The following HIVEP3 variants were observed in gnomAD, a reference collection of about 807,000 sequenced individuals.
The protein encoded by HIVEP3 is HIVEP zinc finger 3.
In HIVEP3, 49 loss-of-function variants were observed where a neutral mutation model predicts 152.8. That is an observed-to-expected ratio of 0.32 (90% CI 0.26 to 0.41). HIVEP3 has a LOEUF of 0.41. Among genes scored for constraint, HIVEP3 ranks in the 10% least tolerant of loss-of-function variants. The pLI, the probability that HIVEP3 is intolerant of heterozygous loss-of-function variation, is 1.00. For missense variants in HIVEP3, 2,790 were observed against 3,103.3 expected, an observed-to-expected ratio of 0.90 and a Z score of 2.40; for synonymous variants, 1,269 against 1,289.0, an observed-to-expected ratio of 0.98 and a Z score of 0.33.
At chr1:41,709,399 C>T (rs1470724862) in intron 1 of HIVEP3, among the ~76,000 whole-genome samples, 1 of 152,232 alleles carries the variant, frequency 6.6e-6, no homozygotes, top group Non-Finnish European at 1.5e-5. Context: ...CAGGTGGAAG[C>T]CCAGAGAAAG....
Position 42,008,887 on chromosome 1 carries a change from C to G in HIVEP3, n.119+26920G>C, listed in dbSNP as rs74069805. Among the ~76,000 whole-genome samples the G allele has an allele frequency of 6.2e-4, 94 of 152,226 alleles. 1 individual carries two copies. The East Asian group carries it at 0.017, about 27-fold the overall frequency. ...ACAGTGATTGGTTTAGGAATAGACACGTTAAAATTTGGTAAATAAGTCTTC... is the reference window on the plus strand; with the variant it reads ...ACAGTGATTGGTTTAGGAATAGACAGGTTAAAATTTGGTAAATAAGTCTTC... On this transcript the variant is annotated intron_variant and non_coding_transcript_variant, in intron 1 of 3. Transcript: ENST00000489103.
chr1:41,602,638 T>C (rs907964995), intron 3 of HIVEP3, among the ~76,000 whole-genome samples: 2 of 152,110 alleles, frequency 1.3e-5, no homozygotes, highest in Admixed American at 6.5e-5. Flanking sequence ...TTTTCTAGCA[T>C]AGCTAATGAT....
At chr1:41,544,875 A>ATCAC (rs1558046501) in intron 5 of HIVEP3, among the ~76,000 whole-genome samples, 13 of 85,554 alleles carry the variant, frequency 1.5e-4, no homozygotes, top group Admixed American at 5.3e-4. Flanking sequence ...CACCACCACC[A>ATCAC]CTACCACCTC....
intron 1 of HIVEP3, among the ~76,000 whole-genome samples, chr1:41,891,519 G>A (rs759660860): frequency 3.3e-4 from 51 of 152,268 alleles, no homozygotes; most frequent in Non-Finnish European, 3.7e-4. Flanking sequence ...CTCCTGCTCT[G>A]GGAGTCAACG....
At position 41,601,121 on chromosome 1, in the gene HIVEP3, C is replaced by T. The variant is rs993843274; in HGVS notation, c.-521-15803G>A. 6.6e-5 allele frequency among the ~76,000 whole-genome samples: 10 copies of T among 152,052 alleles called. No individual in the cohort carries two copies. In the East Asian group the frequency reaches 1.9e-3, roughly 29 times the overall value. On this transcript the variant is annotated intron_variant, in intron 3 of 8. Coordinates refer to ENST00000372583, the MANE Select transcript of HIVEP3 (RefSeq NM_024503.5). ...CTGTTTCATTGGTCTACATGTCTGT[C>T]TTTATGTCAGTACCATACTGTTTTG...
At chr1:41,820,609 T>A (rs934931279) in intron 1 of HIVEP3, among the ~76,000 whole-genome samples, 1 of 152,242 alleles carries the variant, frequency 6.6e-6, no homozygotes, top group African/African-American at 2.4e-5. Flanking sequence ...GAAATAGCCA[T>A]CCATTTAAAT....
chr1:41,808,405 C>T (rs1650759609), intron 1 of HIVEP3, among the ~76,000 whole-genome samples: 1 of 152,258 alleles, frequency 6.6e-6, no homozygotes, highest in South Asian at 2.1e-4. Context: ...CCTACCTGAG[C>T]CTGGCCTTTG....
intron 1 of HIVEP3, among the ~76,000 whole-genome samples, chr1:41,869,786 T>C (rs1417604180): frequency 6.6e-6 from 1 of 152,198 alleles, no homozygotes; most frequent in Non-Finnish European, 1.5e-5. Flanking sequence ...ATTAAATCTG[T>C]ACAGTTTTTT....
chr1:41,612,720 G>A (rs192500353), intron 3 of HIVEP3, among the ~76,000 whole-genome samples: 1 of 152,276 alleles, frequency 6.6e-6, no homozygotes, highest in Admixed American at 6.5e-5. Context: ...CTGAACTCAG[G>A]GGACCAGGAG....
intron 5 of HIVEP3, among the ~76,000 whole-genome samples, chr1:41,564,085 C>T (rs372600180): frequency 2.8e-4 from 43 of 151,980 alleles, no homozygotes; most frequent in Non-Finnish European, 4.9e-4. Flanking sequence ...CCCAGCTACT[C>T]GGGAGGCTGA....
intron 1 of HIVEP3, among the ~76,000 whole-genome samples, chr1:41,758,646 C>T (rs1363076777): frequency 1.3e-5 from 2 of 152,188 alleles, no homozygotes; most frequent in South Asian, 2.1e-4. Context: ...TTACAAATTC[C>T]TTGGGTGATT....
intron 3 of HIVEP3, among the ~76,000 whole-genome samples, chr1:41,598,904 C>G (rs12732519): frequency 0.091 from 13,851 of 151,984 alleles, 690 homozygotes; most frequent in Middle Eastern, 0.18. Context: ...CAACCTCCAC[C>G]TCCTGGGCTC....
At chr1:41,657,495 G>A (rs1474261537) in intron 2 of HIVEP3, among the ~76,000 whole-genome samples, 2 of 152,230 alleles carry the variant, frequency 1.3e-5, no homozygotes, top group Non-Finnish European at 2.9e-5. Context: ...CCAAAGGCTG[G>A]TGTTTGGGGC....
At chr1:42,030,835 G>C (rs1417379566) in intron 1 of HIVEP3, among the ~76,000 whole-genome samples, 1 of 152,180 alleles carries the variant, frequency 6.6e-6, no homozygotes, top group Non-Finnish European at 1.5e-5. Context: ...TTGAAGACAG[G>C]CATTGCGTAA....
rs977433740 is a variant in HIVEP3, at chr1:41,819,954, A to G, written c.-801+98459T>C. ...ATACAGTCTCTGTCATGGCTACTCA[A>G]CCTGCCATTGTAAAGCAAAAGCAGC... On this transcript the variant is annotated intron_variant, in intron 1 of 8. Transcript: ENST00000372583. 1.2e-4 allele frequency among the ~76,000 whole-genome samples: 18 copies of G among 152,226 alleles called. No homozygotes were observed. In the South Asian group the frequency reaches 3.5e-3, roughly 30 times the overall value.
intron 1 of HIVEP3, among the ~76,000 whole-genome samples, chr1:41,844,890 T>G (rs1643392537): frequency 6.6e-6 from 1 of 152,222 alleles, no homozygotes; most frequent in Non-Finnish European, 1.5e-5. Context: ...TGGGCTTCTT[T>G]GGGTCCTGAG....
In HIVEP3 at chr1:41,508,235, A is replaced by T. The variant is rs1277485699; in HGVS notation, c.*2216T>A. 3 of 152,326 alleles carry T rather than the reference A, an allele frequency of 2.0e-5. 1 individual carries two copies. Among genetic ancestry groups the T allele is most frequent in the South Asian group, 4.1e-4 (2 of 4,838 alleles). 9.4% of individuals were successfully genotyped at this position (152,326 alleles called of 1,614,324 possible). ...AAGAGCTTGCCCAGGCAGATTTCTA[A>T]CCTGGGCTGAAGCAATGCCCTTTAT... On this transcript the variant is annotated 3_prime_UTR_variant, in exon 9 of 9. Transcript: ENST00000372583.
At chr1:41,959,291 C>T (rs1051036792) in intron 1 of HIVEP3, among the ~76,000 whole-genome samples, 4 of 152,178 alleles carry the variant, frequency 2.6e-5, no homozygotes, top group Non-Finnish European at 5.9e-5. Flanking sequence ...AATATTTTAT[C>T]GTGATTAGAA....
intron 1 of HIVEP3, among the ~76,000 whole-genome samples, chr1:42,007,522 T>A (rs966019621): frequency 6.6e-6 from 1 of 152,170 alleles, no homozygotes; most frequent in African/African-American, 2.4e-5. Flanking sequence ...GTAACTGGCT[T>A]TTTGCCATCT....
Sources: gnomAD v4.1 joint callset for allele counts (sites outside exome capture counted in the v4.1 genomes callset) on GRCh38, gnomAD v4.1.1 for gene constraint, MANE v1.5 for transcripts, NCBI Gene and HGNC (gene_info 2026-07-23, HGNC 2026-07-21) for gene names.